The following CAMK2G variants were observed in gnomAD, a reference collection of about 807,000 sequenced individuals.
The protein encoded by CAMK2G is calcium/calmodulin dependent protein kinase II gamma.
CAMK2G carries 23 observed loss-of-function variants against 88.7 expected under a neutral mutation model. That is an observed-to-expected ratio of 0.26 (90% CI 0.19 to 0.37). CAMK2G has a LOEUF of 0.37. Among genes scored for constraint, CAMK2G ranks in the 10% least tolerant of loss-of-function variants. The pLI is 1.00. For synonymous variants in CAMK2G, 263 were observed against 294.8 expected (o/e 0.89, Z 1.11); for missense variants, 476 against 780.8 (o/e 0.61, Z 4.65).
intron 2 of CAMK2G, among the ~76,000 whole-genome samples, chr10:73,863,155 G>C (rs2095452555): frequency 6.6e-6 from 1 of 152,200 alleles, no homozygotes; most frequent in African/African-American, 2.4e-5. Flanking sequence ...GAAGGAGGTG[G>C]GGACAGACAG....
rs1009278845 is a variant in CAMK2G, at chr10:73,819,591, C to T, written c.1304G>A (p.Arg435Gln). 26 of 1,548,362 alleles carry T rather than the reference C, an allele frequency of 1.7e-5. No individual in the cohort carries two copies. The highest frequency in any genetic ancestry group is 4.1e-5 in the African/African-American group (3 of 72,994). The change falls in exon 19 of 23, where the codon CGG becomes CAG. Residue 435 changes from arginine to glutamine, a missense_variant. Around this residue, in one of 3 missense-constraint regions of CAMK2G, gnomAD observed 278 missense variants for 366.5 expected, o/e 0.76. Coordinates refer to ENST00000423381, the MANE Select transcript of CAMK2G (RefSeq NM_001367534.1). Reference sequence around the variant, plus strand: ...GCCTGCAGAGGGGGCTGTTCTGTCCCGGGAGCTCCGTCCTTCAGGCACCGA... The same window carrying T: ...GCCTGCAGAGGGGGCTGTTCTGTCCTGGGAGCTCCGTCCTTCAGGCACCGA... ...GSSVPEGRSS[R>Q]DRTAPSAGMQ...
chr10:73,857,593 C>T (rs1467144316), intron 3 of CAMK2G, among the ~76,000 whole-genome samples: 1 of 152,190 alleles, frequency 6.6e-6, no homozygotes, highest in Non-Finnish European at 1.5e-5. Context: ...GTCATAAGCA[C>T]ATAAAAGTTT....
intron 13 of CAMK2G, among the ~76,000 whole-genome samples, chr10:73,838,184 G>A (rs775710520): frequency 6.6e-6 from 1 of 152,176 alleles, no homozygotes; most frequent in Non-Finnish European, 1.5e-5. Context: ...ATAGGGTGAC[G>A]CTCCAGGCTG....
At chr10:73,871,472 A>G (rs962426509) in intron 2 of CAMK2G, among the ~76,000 whole-genome samples, 2 of 152,164 alleles carry the variant, frequency 1.3e-5, no homozygotes, top group African/African-American at 4.8e-5. Context: ...TGCATCATCA[A>G]CTGGAGACAC....
rs543267439 is a variant in CAMK2G, at chr10:73,851,776, C to T, written c.341+478G>A. 7.6e-4 allele frequency among the ~76,000 whole-genome samples: 114 copies of T among 149,906 alleles called. 1 individual carries two copies. The highest frequency in any genetic ancestry group is 2.7e-3 in the African/African-American group (111 of 40,678). ...GGGGGGGGGGAGGGGGACATAGTCT[C>T]GCTCTGTTACGCAGGCTGGAGTGCA... On this transcript the variant is annotated intron_variant, in intron 5 of 22. Coordinates refer to ENST00000423381, the MANE Select transcript of CAMK2G (RefSeq NM_001367534.1).
chr10:73,827,995 G>C (rs895631781), intron 15 of CAMK2G, 94 bp downstream of exon 15: 2 of 994,592 alleles, frequency 2.0e-6, no homozygotes, highest in Non-Finnish European at 3.2e-6. Flanking sequence ...GTGAGGATGA[G>C]TGAGGCACAC....
chr10:73,858,057 T>C (rs763590682), intron 3 of CAMK2G, among the ~76,000 whole-genome samples: 2 of 152,216 alleles, frequency 1.3e-5, no homozygotes, highest in Non-Finnish European at 1.5e-5. Flanking sequence ...TGAACCCACA[T>C]TGACTCATCA....
chr10:73,817,093 A>C lies in CAMK2G; in HGVS notation c.1464T>G (p.Thr488=), dbSNP rs1166303309. Residue 488 remains threonine (T), a synonymous_variant, in exon 21 of 23, where the codon ACT becomes ACG. Transcript: ENST00000423381. ...TACCAAGGGCCTCAGGCTCAAAGGA[A>C]GTGAGGCCTGGATCACAAATCTTCC... ...AYTKICDPGL[T]SFEPEALGNL... The C allele has an allele frequency of 6.2e-7, 1 of 1,612,768 alleles. No individual in the cohort carries two copies. The highest frequency in any genetic ancestry group is 1.3e-5 in the African/African-American group (1 of 74,972).
At chr10:73,863,889 G>A (rs1185404767) in intron 2 of CAMK2G, among the ~76,000 whole-genome samples, 1 of 152,150 alleles carries the variant, frequency 6.6e-6, no homozygotes, top group African/African-American at 2.4e-5. Context: ...GGTCTTCTCT[G>A]AACCCCAGGA....
At position 73,839,108 on chromosome 10, in the gene CAMK2G, A is replaced by G. The variant is rs2093527361; in HGVS notation, c.1009+431T>C. Among the ~76,000 whole-genome samples, 1 of 152,166 alleles carries G rather than the reference A, an allele frequency of 6.6e-6. No individual in the cohort carries two copies. Among genetic ancestry groups the G allele is most frequent in the African/African-American group, 2.4e-5 (1 of 41,438 alleles). ...GCACTCTGGAGCCTTTCAGACCTGG[A>G]GGCCAGCAAGCGCCAGACTTCACAA... On this transcript the variant is annotated intron_variant, in intron 13 of 22. Coordinates refer to ENST00000423381, the MANE Select transcript of CAMK2G (RefSeq NM_001367534.1). The surrounding 1 kb of genome is among the most constrained non-coding windows in gnomAD (Gnocchi z 4.2).
rs1012957065 is a variant in CAMK2G at position 73,847,971 on chromosome 10, G to A, written c.696+17C>T. The A allele has an allele frequency of 1.1e-5, 17 of 1,522,952 alleles. No homozygotes were observed. The highest frequency in any genetic ancestry group is 6.8e-5 in the East Asian group (3 of 44,422). 94.3% of individuals were successfully genotyped at this position (1,522,952 alleles called of 1,614,324 possible). On this transcript the variant is annotated intron_variant, in intron 9 of 22. Coordinates refer to ENST00000423381, the MANE Select transcript of CAMK2G (RefSeq NM_001367534.1). ...TCTGCCCTTCCTGGCCTGGCTGCCC[G>A]GCTCTCTGGTCCTTACATCATAGGC... is the stretch of plus-strand genomic sequence containing the variant.
At chr10:73,836,233 A>C (rs962419277) in intron 14 of CAMK2G, among the ~76,000 whole-genome samples, 4 of 152,126 alleles carry the variant, frequency 2.6e-5, no homozygotes, top group Non-Finnish European at 5.9e-5. Flanking sequence ...CTCTCCTATG[A>C]GCTTCCTGGA....
intron 2 of CAMK2G, among the ~76,000 whole-genome samples, chr10:73,867,328 A>C (rs2095631527): frequency 6.6e-6 from 1 of 152,222 alleles, no homozygotes; most frequent in South Asian, 2.1e-4. Flanking sequence ...AGCCCCAAGA[A>C]GGCAAGGCTC....
chr10:73,841,129 G>A (rs1473968411), intron 12 of CAMK2G, among the ~76,000 whole-genome samples: 3 of 152,240 alleles, frequency 2.0e-5, no homozygotes, highest in Non-Finnish European at 4.4e-5. Context: ...CGAAGCCCTA[G>A]GCTCCCTGCC....
Position 73,842,913 on chromosome 10 carries a change from G to C in CAMK2G, c.820-372C>G, listed in dbSNP as rs567308706. ...GCACCTACTGCGTTCCAGATGCTCAGCAGCGAGAGAACGGCAGGGTTCCTG... is the reference window on the plus strand; with the variant it reads ...GCACCTACTGCGTTCCAGATGCTCACCAGCGAGAGAACGGCAGGGTTCCTG... On this transcript the variant is annotated intron_variant, in intron 10 of 22. Coordinates refer to ENST00000423381, the MANE Select transcript of CAMK2G (RefSeq NM_001367534.1). This position sits in a 1 kb window ranked among gnomAD's most constrained non-coding sequence, Gnocchi z 4.6. 2.0e-5 allele frequency among the ~76,000 whole-genome samples: 3 copies of C among 152,218 alleles called. No homozygotes were observed. The highest frequency in any genetic ancestry group is 7.2e-5 in the African/African-American group (3 of 41,510).
At chr10:73,850,228 C>T (rs2094522070) in intron 5 of CAMK2G, among the ~76,000 whole-genome samples, 1 of 152,186 alleles carries the variant, frequency 6.6e-6, no homozygotes. Flanking sequence ...AACTCCTGAG[C>T]TCAAGTGATC....
At chr10:73,825,175 A>G (rs1275514469) in intron 16 of CAMK2G, 104 bp downstream of exon 16, 1 of 835,928 alleles carries the variant, frequency 1.2e-6, no homozygotes, top group Non-Finnish European at 2.1e-6. Context: ...GGGGACCAAG[A>G]AAGGAACAGG....
chr10:73,852,364 T>C, intron 4 of CAMK2G, 45 bp from the exon 5 acceptor site: 2 of 1,511,632 alleles, frequency 1.3e-6, no homozygotes, highest in Non-Finnish European at 1.8e-6. Flanking sequence ...AAAGGGTCCT[T>C]TGTCCAACCC....
chr10:73,869,448 G>C lies in CAMK2G; in HGVS notation c.160+3541C>G, dbSNP rs147266362. 3.1e-3 allele frequency among the ~76,000 whole-genome samples: 468 copies of C among 152,284 alleles called. 1 individual carries two copies. The highest frequency in any genetic ancestry group is 0.011 in the African/African-American group (450 of 41,548). ...TCATCTGTCCTCTCTTCCAGCAGCC[G>C]TATCAGGTCTGCAGCTTGGCTCCCT... is the stretch of plus-strand genomic sequence containing the variant. On this transcript the variant is annotated intron_variant, in intron 2 of 22. Coordinates refer to ENST00000423381, the MANE Select transcript of CAMK2G (RefSeq NM_001367534.1).
Sources: gnomAD v4.1 joint callset for allele counts (sites outside exome capture counted in the v4.1 genomes callset) on GRCh38, gnomAD v4.1.1 for gene constraint, gnomAD v4.1.1 regional missense constraint, Gnocchi (gnomAD v3.1) non-coding constraint, MANE v1.5 for transcripts, NCBI Gene and HGNC (gene_info 2026-07-23, HGNC 2026-07-21) for gene names.